CARMIL1: variants seen among roughly 807,000 people sequenced by gnomAD.
CARMIL1 encodes the protein capping protein regulator and myosin 1 linker 1.
A neutral mutation model predicts 177.1 loss-of-function variants in CARMIL1; 90 were observed. That is an observed-to-expected ratio of 0.51 (90% CI 0.43 to 0.61). CARMIL1 has a LOEUF of 0.61. Among genes scored for constraint, CARMIL1 ranks in the 20% least tolerant of loss-of-function variants. The pLI is 0.00. For synonymous variants in CARMIL1, 577 were observed against 606.2 expected (o/e 0.95, Z 0.71); for missense variants, 1,380 against 1,667.0 (o/e 0.83, Z 3.00).
At chr6:25,588,121 T>G (rs966950213) in intron 31 of CARMIL1, among the ~76,000 whole-genome samples, 8 of 152,220 alleles carry the variant, frequency 5.3e-5, no homozygotes, top group African/African-American at 1.9e-4. Flanking sequence ...CACAGGAGGA[T>G]GTTTGTAGGT....
intron 4 of CARMIL1, among the ~76,000 whole-genome samples, chr6:25,434,076 G>A (rs9393644): frequency 6.6e-6 from 1 of 151,996 alleles, no homozygotes; most frequent in African/African-American, 2.4e-5. Flanking sequence ...GGAATTTTTT[G>A]GGGGGTAGGA....
intron 27 of CARMIL1, among the ~76,000 whole-genome samples, chr6:25,551,665 A>G (rs1289493590): frequency 2.7e-4 from 41 of 152,216 alleles, no homozygotes; most frequent in Admixed American, 2.7e-3. Context: ...CTGAATTTTT[A>G]TGTAGAGACT....
chr6:25,281,118 ACGCGCGTGTGCGCGCGCG>A (rs745605524), intron 1 of CARMIL1, among the ~76,000 whole-genome samples: 24 of 80,648 alleles, frequency 3.0e-4, no homozygotes, highest in Non-Finnish European at 6.2e-4. Context: ...TCACAGACGC[ACGCGCGTGTGCGCGCGCG>A]CACACACACA....
intron 2 of CARMIL1, among the ~76,000 whole-genome samples, chr6:25,358,872 G>A (rs1375792446): frequency 6.6e-6 from 1 of 152,162 alleles, no homozygotes; most frequent in African/African-American, 2.4e-5. Context: ...ATTCAAAGAT[G>A]GGAATAGCTA....
chr6:25,446,512 A>T (rs1422678734), intron 5 of CARMIL1, among the ~76,000 whole-genome samples: 1 of 152,192 alleles, frequency 6.6e-6, no homozygotes, highest in Non-Finnish European at 1.5e-5. Context: ...AATTGAAGAG[A>T]GTTAAAGCCT....
Position 25,482,256 on chromosome 6 carries a change from G to A in CARMIL1, c.875-1G>A. 1 of 1,527,742 alleles carries A rather than the reference G, an allele frequency of 6.5e-7. No homozygotes were observed. The highest frequency in any genetic ancestry group is 9.0e-7 in the Non-Finnish European group (1 of 1,116,302). The allele number at this position is 1,527,742 out of a possible 1,614,324, so 94.6% of individuals were successfully genotyped here. ...CTAATCGCTTCTTTTTCCTTTCTCA[G>A]GTGTGTCCTCTTTAAGTATTCAATT... is the stretch of plus-strand genomic sequence containing the variant. On this transcript the variant is annotated splice_acceptor_variant, in intron 11 of 36. Coordinates refer to ENST00000329474, the MANE Select transcript of CARMIL1 (RefSeq NM_017640.6). LOFTEE classifies it high-confidence loss of function.
At chr6:25,572,160 A>G (rs1812123934) in intron 29 of CARMIL1, among the ~76,000 whole-genome samples, 1 of 152,200 alleles carries the variant, frequency 6.6e-6, no homozygotes, top group Non-Finnish European at 1.5e-5. Flanking sequence ...TCAAGATGTC[A>G]ACAACCTTTA....
intron 2 of CARMIL1, among the ~76,000 whole-genome samples, chr6:25,290,683 GA>G (rs1176502504): frequency 1.3e-5 from 2 of 152,232 alleles, no homozygotes; most frequent in East Asian, 3.9e-4. Flanking sequence ...GCAAGTAGGG[GA>G]AGTGGCATAC....
chr6:25,536,483 C>A (rs1808316192), intron 24 of CARMIL1, among the ~76,000 whole-genome samples: 1 of 152,030 alleles, frequency 6.6e-6, no homozygotes, highest in African/African-American at 2.4e-5. Context: ...ACGTATGTAA[C>A]CTCAATATAT....
intron 2 of CARMIL1, among the ~76,000 whole-genome samples, chr6:25,288,175 C>A (rs1043750319): frequency 2.6e-5 from 4 of 152,034 alleles, no homozygotes; most frequent in African/African-American, 4.8e-5. Flanking sequence ...GTTAGCCAAG[C>A]GAAGAGAGTG....
At chr6:25,507,536 G>A (rs421502) in intron 17 of CARMIL1, 66,466 of 152,308 alleles carry the variant, frequency 0.44, 14,860 homozygotes, top group Middle Eastern at 0.52. Context: ...ACATTTGATT[G>A]TTTTTTAAGC....
chr6:25,553,863 T>G, intron 27 of CARMIL1, 146 bp from the exon 28 acceptor site: 1 of 606,214 alleles, frequency 1.6e-6, no homozygotes. Context: ...TTGGAAATCC[T>G]TAGTCCTGTT....
At chr6:25,478,773 G>GGACTGCACTCCAGCC (rs1217685903) in intron 11 of CARMIL1, among the ~76,000 whole-genome samples, 2 of 151,762 alleles carry the variant, frequency 1.3e-5, no homozygotes, top group Admixed American at 1.3e-4. Context: ...TCCAGCCTGG[G>GGACTGCACTCCAGCC]TGACAGAGTG....
chr6:25,595,425 A>G (rs1445325830), intron 32 of CARMIL1, among the ~76,000 whole-genome samples: 1 of 152,194 alleles, frequency 6.6e-6, no homozygotes, highest in Non-Finnish European at 1.5e-5. Context: ...GTTAAATTTT[A>G]TATCCATAAC....
At chr6:25,323,374 A>G (rs961459183) in intron 2 of CARMIL1, among the ~76,000 whole-genome samples, 1 of 147,326 alleles carries the variant, frequency 6.8e-6, no homozygotes, top group Admixed American at 6.9e-5. Flanking sequence ...GCTTGAAACC[A>G]GGAATTCGAG....
At chr6:25,538,273 G>T (rs1038457214) in intron 25 of CARMIL1, among the ~76,000 whole-genome samples, 1 of 152,130 alleles carries the variant, frequency 6.6e-6, no homozygotes, top group Non-Finnish European at 1.5e-5. Context: ...CATTTAAAAT[G>T]ATTCTGCTTC....
chr6:25,451,527 CTT>C (rs916402364), intron 8 of CARMIL1, among the ~76,000 whole-genome samples: 4 of 152,266 alleles, frequency 2.6e-5, no homozygotes, highest in African/African-American at 7.2e-5. Flanking sequence ...ATTTGAGAAA[CTT>C]TTAGGTTTAA....
chr6:25,421,743 C>A (rs1795874806), intron 3 of CARMIL1, among the ~76,000 whole-genome samples: 1 of 150,380 alleles, frequency 6.6e-6, no homozygotes, highest in South Asian at 2.1e-4. Flanking sequence ...AATTGGAAAT[C>A]ATCATTCTCA....
intron 8 of CARMIL1, among the ~76,000 whole-genome samples, chr6:25,458,478 T>C: frequency 9.9e-6 from 1 of 100,564 alleles, no homozygotes; most frequent in Non-Finnish European, 1.8e-5. Context: ...AGAGCGAGAC[T>C]CTGTCTCAAA....
Sources: gnomAD v4.1 joint callset for allele counts (sites outside exome capture counted in the v4.1 genomes callset) on GRCh38, gnomAD v4.1.1 for gene constraint, MANE v1.5 for transcripts, NCBI Gene and HGNC (gene_info 2026-07-23, HGNC 2026-07-21) for gene names.